HSPA12A: variants seen among roughly 807,000 people sequenced by gnomAD.
HSPA12A encodes heat shock 70 kDa protein 12A.
In HSPA12A, 28 loss-of-function variants were observed where a neutral mutation model predicts 69.2. The observed-to-expected ratio is 0.40, with a 90% confidence interval of 0.30 to 0.55. The LOEUF (loss-of-function observed/expected upper bound fraction) is 0.55, where lower values mean the gene tolerates loss of function less well. Among genes scored for constraint, HSPA12A ranks in the 20% least tolerant of loss-of-function variants. The pLI is 0.38. For missense variants in HSPA12A, 686 were observed against 900.7 expected (o/e 0.76, Z 3.05); for synonymous variants, 345 against 370.5 (o/e 0.93, Z 0.79).
At chr10:116,731,976 G>A (rs1851166214) in intron 1 of HSPA12A, among the ~76,000 whole-genome samples, 1 of 152,114 alleles carries the variant, frequency 6.6e-6, no homozygotes, top group Non-Finnish European at 1.5e-5. Context: ...CTAAAGATGG[G>A]AAGCAATCCT....
chr10:116,757,123 A>G (rs1843867605), intron 2 of HSPA12A, among the ~76,000 whole-genome samples: 1 of 152,170 alleles, frequency 6.6e-6, no homozygotes, highest in African/African-American at 2.4e-5. Flanking sequence ...TGGAACTCTG[A>G]CCACTCTGGT....
At chr10:116,678,934 A>G (rs1167216830) in intron 10 of HSPA12A, among the ~76,000 whole-genome samples, 1 of 152,152 alleles carries the variant, frequency 6.6e-6, no homozygotes, top group African/African-American at 2.4e-5. Flanking sequence ...TTCATGATGG[A>G]TATTATATAT....
chr10:116,736,755 G>T (rs1217748135), intron 1 of HSPA12A, among the ~76,000 whole-genome samples: 2 of 152,162 alleles, frequency 1.3e-5, no homozygotes, highest in Non-Finnish European at 2.9e-5. Context: ...GCCTCCAGAA[G>T]GAATACAGTT....
intron 2 of HSPA12A, among the ~76,000 whole-genome samples, chr10:116,748,860 A>T (rs1554888038): frequency 6.6e-6 from 1 of 152,206 alleles, no homozygotes; most frequent in Admixed American, 6.5e-5. Context: ...CTATAATTCA[A>T]GATGAGATTT....
intron 2 of HSPA12A, among the ~76,000 whole-genome samples, chr10:116,772,526 C>T (rs1408397262): frequency 6.6e-6 from 1 of 152,140 alleles, no homozygotes; most frequent in Non-Finnish European, 1.5e-5. Context: ...GAAACTGAGA[C>T]CCAGAGAAGT....
intron 2 of HSPA12A, among the ~76,000 whole-genome samples, chr10:116,754,181 AG>A (rs1328283753): frequency 6.6e-6 from 1 of 152,172 alleles, no homozygotes; most frequent in Non-Finnish European, 1.5e-5. Context: ...AGGGAGGAGA[AG>A]GAAGTGGGCT....
chr10:116,846,599 C>G (rs1032059581), intron 1 of HSPA12A, among the ~76,000 whole-genome samples: 1 of 152,160 alleles, frequency 6.6e-6, no homozygotes, highest in South Asian at 2.1e-4. Flanking sequence ...CCGCCCGCCT[C>G]GGCTTCCCAA....
chr10:116,724,725 A>G (rs1850894348), intron 1 of HSPA12A, among the ~76,000 whole-genome samples: 1 of 152,226 alleles, frequency 6.6e-6, no homozygotes, highest in Non-Finnish European at 1.5e-5. Flanking sequence ...TGTGGGGCAG[A>G]GGAGACAAGT....
intron 2 of HSPA12A, among the ~76,000 whole-genome samples, chr10:116,755,981 T>C (rs1843838047): frequency 6.6e-6 from 1 of 152,004 alleles, no homozygotes; most frequent in Admixed American, 6.6e-5. Flanking sequence ...AGCAAGACTC[T>C]GTCTCAAAAA....
At chr10:116,718,643 G>A (rs183568930) in intron 1 of HSPA12A, among the ~76,000 whole-genome samples, 1 of 152,298 alleles carries the variant, frequency 6.6e-6, no homozygotes, top group African/African-American at 2.4e-5. Context: ...CCAGAGGTAA[G>A]TGTGCTATTT....
intron 5 of HSPA12A, 69 bp downstream of exon 5, chr10:116,698,566 C>T (rs1386154996): frequency 3.9e-6 from 5 of 1,271,072 alleles, no homozygotes; most frequent in Admixed American, 1.7e-5. Flanking sequence ...TGCAGCAGCC[C>T]GAGACACGGA....
At chr10:116,767,055 G>C (rs782359093) in intron 2 of HSPA12A, among the ~76,000 whole-genome samples, 3 of 152,182 alleles carry the variant, frequency 2.0e-5, no homozygotes, top group Non-Finnish European at 2.9e-5. Context: ...CCTGAGATGG[G>C]CTAGGGTGGG....
At chr10:116,801,986 T>C (rs1322866715) in intron 2 of HSPA12A, among the ~76,000 whole-genome samples, 1 of 152,048 alleles carries the variant, frequency 6.6e-6, no homozygotes, top group Non-Finnish European at 1.5e-5. Context: ...AAAATGAAAG[T>C]TTAAAAAAAT....
At chr10:116,765,114 T>C (rs888868326) in intron 2 of HSPA12A, among the ~76,000 whole-genome samples, 1 of 152,274 alleles carries the variant, frequency 6.6e-6, no homozygotes, top group Middle Eastern at 3.4e-3. Flanking sequence ...ACTGGGTACA[T>C]CTGTATGTAC....
intron 2 of HSPA12A, among the ~76,000 whole-genome samples, chr10:116,752,524 C>T (rs1023050667): frequency 2.0e-5 from 3 of 152,156 alleles, no homozygotes; most frequent in Admixed American, 2.0e-4. Flanking sequence ...TCAAGTAGCA[C>T]CCAGACCTTG....
In HSPA12A at chr10:116,757,678, T is replaced by C. The variant is rs115909215; in HGVS notation, c.92-50393A>G. Among the ~76,000 whole-genome samples, 616 of 152,364 alleles carry C rather than the reference T, an allele frequency of 4.0e-3. 1 individual carries two copies. The highest frequency in any genetic ancestry group is 0.014 in the African/African-American group (587 of 41,582). ...TTTCTTGCTCTGTGACTTTGGGCAC[T>C]GCTTGGTACCTTGGTTTGGTCACCT... On this transcript the variant is annotated intron_variant, in intron 2 of 12. Transcript: ENST00000635765.
At chr10:116,763,737 T>G (rs1451424403) in intron 2 of HSPA12A, among the ~76,000 whole-genome samples, 1 of 152,190 alleles carries the variant, frequency 6.6e-6, no homozygotes, top group Non-Finnish European at 1.5e-5. Context: ...GAGGTTTTTT[T>G]GGGTTACAAG....
intron 2 of HSPA12A, among the ~76,000 whole-genome samples, chr10:116,784,320 G>A (rs1210459225): frequency 1.3e-5 from 2 of 152,270 alleles, no homozygotes; most frequent in South Asian, 2.1e-4. Context: ...CCCTTGCCCT[G>A]CAAGTGGCAG....
At position 116,787,437 on chromosome 10, in the gene HSPA12A, C is replaced by T. The variant is rs570816701; in HGVS notation, c.91+47498G>A. 2.4e-3 allele frequency among the ~76,000 whole-genome samples: 281 copies of T among 116,916 alleles called. 1 individual carries two copies. Among genetic ancestry groups the T allele is most frequent in the African/African-American group, 8.2e-3 (254 of 30,788 alleles). The allele number at this position is 116,916 out of a possible 152,430, so 76.7% of individuals were successfully genotyped here. On this transcript the variant is annotated intron_variant, in intron 2 of 12. Transcript: ENST00000635765. The stretch of plus-strand genomic sequence containing the variant: ...TCCACATACTAGAATACTCTCTAGC[C>T]AGCAAAAAAAAAAAAAAAAAAAAAA...
Sources: gnomAD v4.1 joint callset for allele counts (sites outside exome capture counted in the v4.1 genomes callset) on GRCh38, gnomAD v4.1.1 for gene constraint, MANE v1.5 for transcripts, NCBI Gene and HGNC (gene_info 2026-07-23, HGNC 2026-07-21) for gene names.